Variants in CDH12 observed in about 807,000 individuals in gnomAD.
CDH12 encodes cadherin-12.
Under a neutral mutation model 74.1 loss-of-function variants are expected in CDH12, and 41 were observed. That is an observed-to-expected ratio of 0.55 (90% CI 0.43 to 0.72). The LOEUF (loss-of-function observed/expected upper bound fraction) is 0.72, where lower values mean the gene tolerates loss of function less well. Ranked by LOEUF, CDH12 falls within the 30% of genes least tolerant of loss-of-function variation. The probability of loss-of-function intolerance (pLI) is 0.00; values close to 1 mark genes in which losing one functional copy is unlikely to be tolerated. For synonymous variants in CDH12, 399 were observed against 355.0 expected (o/e 1.12, Z -1.39); for missense variants, 945 against 977.2 (o/e 0.97, Z 0.44).
chr5:22,328,451 T>C (rs1278968045), intron 3 of CDH12, among the ~76,000 whole-genome samples: 1 of 152,200 alleles, frequency 6.6e-6, no homozygotes, highest in Non-Finnish European at 1.5e-5. Context: ...GAGCCATACA[T>C]CTAGTTATTA....
At chr5:21,876,085 A>G (rs1478754643) in intron 6 of CDH12, among the ~76,000 whole-genome samples, 2 of 151,944 alleles carry the variant, frequency 1.3e-5, no homozygotes, top group Admixed American at 6.6e-5. Flanking sequence ...TAGTAGAGAC[A>G]GGATTTCACC....
chr5:21,807,986 GA>G, intron 9 of CDH12, among the ~76,000 whole-genome samples: 1 of 152,220 alleles, frequency 6.6e-6, no homozygotes, highest in Non-Finnish European at 1.5e-5. Context: ...TGCCTTATAA[GA>G]AGTAAATTTG....
chr5:22,523,743 T>C (rs1056420783), intron 1 of CDH12, among the ~76,000 whole-genome samples: 3 of 152,220 alleles, frequency 2.0e-5, no homozygotes, highest in Non-Finnish European at 2.9e-5. Flanking sequence ...TCTTCAAACA[T>C]TGTTAACGCC....
chr5:22,079,288 C>A (rs1025270151), intron 4 of CDH12, among the ~76,000 whole-genome samples: 3 of 152,058 alleles, frequency 2.0e-5, no homozygotes, highest in Non-Finnish European at 4.4e-5. Context: ...TTTTCTTCTA[C>A]TTAATAGATG....
At chr5:22,474,718 T>C (rs924829665) in intron 2 of CDH12, among the ~76,000 whole-genome samples, 1 of 152,110 alleles carries the variant, frequency 6.6e-6, no homozygotes, top group African/African-American at 2.4e-5. Context: ...TCATATACAA[T>C]ACATAGATCA....
chr5:22,499,401 G>A (rs1580710123), intron 2 of CDH12, among the ~76,000 whole-genome samples: 1 of 152,154 alleles, frequency 6.6e-6, no homozygotes, highest in African/African-American at 2.4e-5. Flanking sequence ...TTACATGGCA[G>A]AAAAGTCTAG....
At chr5:22,681,250 T>C (rs1169439095) in intron 1 of CDH12, among the ~76,000 whole-genome samples, 1 of 151,540 alleles carries the variant, frequency 6.6e-6, no homozygotes, top group Non-Finnish European at 1.5e-5. Context: ...TGTGTGTGTG[T>C]GTGTGTGTGT....
chr5:22,232,028 T>C (rs1752404291), intron 3 of CDH12, among the ~76,000 whole-genome samples: 1 of 151,836 alleles, frequency 6.6e-6, no homozygotes, highest in Non-Finnish European at 1.5e-5. Flanking sequence ...TTTTTTATAG[T>C]AGCCACTTAA....
intron 6 of CDH12, among the ~76,000 whole-genome samples, chr5:21,933,777 A>G (rs1035253166): frequency 2.6e-5 from 4 of 152,202 alleles, no homozygotes; most frequent in African/African-American, 9.7e-5. Flanking sequence ...GGAGAAATTT[A>G]TATATGGCAA....
intron 1 of CDH12, among the ~76,000 whole-genome samples, chr5:22,707,206 G>A (rs1273259097): frequency 1.3e-5 from 2 of 152,104 alleles, no homozygotes; most frequent in Non-Finnish European, 2.9e-5. Flanking sequence ...TTAAAACTCT[G>A]CAGGATTGTT....
At chr5:22,199,632 T>C (rs933598422) in intron 4 of CDH12, among the ~76,000 whole-genome samples, 2 of 152,160 alleles carry the variant, frequency 1.3e-5, no homozygotes, top group African/African-American at 2.4e-5. Flanking sequence ...TGGCTTAGCA[T>C]CCCATAGAGA....
At chr5:22,049,477 T>G (rs1010424629) in intron 5 of CDH12, among the ~76,000 whole-genome samples, 1 of 152,126 alleles carries the variant, frequency 6.6e-6, no homozygotes, top group Non-Finnish European at 1.5e-5. Flanking sequence ...CTAGTCATCT[T>G]CCTTTTTCCT....
At chr5:22,373,842 A>G (rs1320620766) in intron 3 of CDH12, among the ~76,000 whole-genome samples, 2 of 152,222 alleles carry the variant, frequency 1.3e-5, no homozygotes, top group Non-Finnish European at 2.9e-5. Flanking sequence ...CTATTACAAC[A>G]GATGTGCAGA....
intron 4 of CDH12, among the ~76,000 whole-genome samples, chr5:22,102,440 A>T (rs892528445): frequency 6.6e-6 from 1 of 152,140 alleles, no homozygotes; most frequent in Admixed American, 6.5e-5. Flanking sequence ...AGGCCGAAGC[A>T]AGTGGATCAT....
chr5:22,342,688 T>C (rs1739918778), intron 3 of CDH12, among the ~76,000 whole-genome samples: 1 of 150,694 alleles, frequency 6.6e-6, no homozygotes, highest in African/African-American at 2.4e-5. Context: ...TTCTTTTTCT[T>C]TCTTTCTTCT....
At chr5:22,495,837 G>T (rs533887038) in intron 2 of CDH12, among the ~76,000 whole-genome samples, 1 of 152,204 alleles carries the variant, frequency 6.6e-6, no homozygotes, top group African/African-American at 2.4e-5. Context: ...AGTGGAAGGG[G>T]ATCCATGAAT....
chr5:22,012,045 G>A (rs959444201), intron 5 of CDH12, among the ~76,000 whole-genome samples: 4 of 151,852 alleles, frequency 2.6e-5, no homozygotes, highest in Admixed American at 2.6e-4. Flanking sequence ...AATATTAATT[G>A]CATCCAAAAT....
intron 3 of CDH12, among the ~76,000 whole-genome samples, chr5:22,230,419 T>C (rs1752340100): frequency 6.6e-6 from 1 of 151,978 alleles, no homozygotes; most frequent in Non-Finnish European, 1.5e-5. Flanking sequence ...TGTCTTCATG[T>C]CAAACGAGTC....
intron 1 of CDH12, among the ~76,000 whole-genome samples, chr5:22,579,607 C>G (rs1039592830): frequency 3.3e-5 from 5 of 151,764 alleles, no homozygotes; most frequent in Non-Finnish European, 7.4e-5. Flanking sequence ...CTGAACATAC[C>G]CTAATTTTCT....
Sources: gnomAD v4.1 joint callset for allele counts (sites outside exome capture counted in the v4.1 genomes callset) on GRCh38, gnomAD v4.1.1 for gene constraint, MANE v1.5 for transcripts, NCBI Gene and HGNC (gene_info 2026-07-23, HGNC 2026-07-21) for gene names.